The following RPRD2 variants were observed in gnomAD, a reference collection of about 807,000 sequenced individuals.
RPRD2 encodes regulation of nuclear pre-mRNA domain-containing protein 2.
A neutral mutation model predicts 104.4 loss-of-function variants in RPRD2; 12 were observed. That is an observed-to-expected ratio of 0.11 (90% CI 0.07 to 0.19). RPRD2 has a LOEUF of 0.19. RPRD2 is among the 10% of genes least tolerant of loss of function. The pLI, the probability that RPRD2 is intolerant of heterozygous loss-of-function variation, is 1.00. For missense variants in RPRD2, 1,543 were observed against 1,790.1 expected (o/e 0.86, Z 2.49); for synonymous variants, 714 against 684.9 (o/e 1.04, Z -0.66).
In RPRD2 at chr1:150,446,827, C is replaced by T. The variant is rs1401114747; in HGVS notation, c.870+426C>T. 1.1e-4 allele frequency among the ~76,000 whole-genome samples: 14 copies of T among 132,608 alleles called. No individual in the cohort carries two copies. The Admixed American group carries it at 1.1e-3, about 10-fold the overall frequency. 87.0% of individuals were successfully genotyped at this position (132,608 alleles called of 152,430 possible). A position where few individuals can be genotyped will look rare whatever the true frequency, so the allele number is the denominator to read the frequency against. ...CAGCTAGTAAGTGGTAGAATAAGAC[C>T]TGGGTCTTTTTTTTTTTTTTTTTGG... On this transcript the variant is annotated intron_variant, in intron 7 of 10. Coordinates refer to ENST00000369068, the MANE Select transcript of RPRD2 (RefSeq NM_015203.5).
intron 1 of RPRD2, among the ~76,000 whole-genome samples, chr1:150,387,624 T>TCTTGTCA (rs1286192966): frequency 8.1e-6 from 1 of 123,892 alleles, no homozygotes; most frequent in Non-Finnish European, 1.6e-5. Context: ...GGAGTTTCAC[T>TCTTGTCA]CTTGTCACCC....
chr1:150,424,722 T>TAATA (rs1421136749), intron 2 of RPRD2, among the ~76,000 whole-genome samples: 20 of 152,206 alleles, frequency 1.3e-4, no homozygotes, highest in Admixed American at 2.0e-4. Flanking sequence ...AGTCCTCTAT[T>TAATA]ATTTCTGTTC....
intron 1 of RPRD2, among the ~76,000 whole-genome samples, chr1:150,414,373 A>C (rs918876099): frequency 3.9e-5 from 6 of 152,250 alleles, no homozygotes; most frequent in South Asian, 2.1e-4. Flanking sequence ...TAAGTAATGT[A>C]AAAGACTCCA....
chr1:150,388,968 C>T (rs1572376824), intron 1 of RPRD2, among the ~76,000 whole-genome samples: 1 of 152,012 alleles, frequency 6.6e-6, no homozygotes, highest in Non-Finnish European at 1.5e-5. Context: ...CTGTTGTTTT[C>T]TCCATAACTC....
At chr1:150,411,896 TG>T (rs1553887752) in intron 1 of RPRD2, among the ~76,000 whole-genome samples, 2 of 136,832 alleles carry the variant, frequency 1.5e-5, no homozygotes, top group African/African-American at 2.9e-5. Flanking sequence ...GAGGCTAAGG[TG>T]GGTGGATTGC....
intron 1 of RPRD2, among the ~76,000 whole-genome samples, chr1:150,373,668 G>T (rs1367130062): frequency 9.3e-5 from 13 of 140,318 alleles, no homozygotes. Context: ...GTTAGGTTTG[G>T]GATGTCTATT....
At chr1:150,421,935 C>G (rs587730440) in intron 2 of RPRD2, among the ~76,000 whole-genome samples, 1 of 152,056 alleles carries the variant, frequency 6.6e-6, no homozygotes, top group South Asian at 2.1e-4. Context: ...TATAATCATA[C>G]CATGGCACTC....
chr1:150,421,176 A>G (rs892332787), intron 2 of RPRD2, among the ~76,000 whole-genome samples: 10 of 152,250 alleles, frequency 6.6e-5, no homozygotes, highest in Non-Finnish European at 1.3e-4. Context: ...CTAAATAGCC[A>G]GATTCAAGTT....
chr1:150,405,682 C>G (rs1663415810), intron 1 of RPRD2, among the ~76,000 whole-genome samples: 1 of 152,092 alleles, frequency 6.6e-6, no homozygotes, highest in African/African-American at 2.4e-5. Flanking sequence ...GTTTCACTTT[C>G]CTGGTTAACC....
Position 150,431,109 on chromosome 1 carries a change from A to C in RPRD2, c.336-9814A>C, listed in dbSNP as rs587653814. ...TCCAGAGTTTACATCTACTAGGGTA[A>C]CTATAATTCAAAACAAACAAACAAC... On this transcript the variant is annotated intron_variant, in intron 2 of 10. Coordinates refer to ENST00000369068, the MANE Select transcript of RPRD2 (RefSeq NM_015203.5). Among the ~76,000 whole-genome samples the C allele has an allele frequency of 2.0e-5, 3 of 152,318 alleles. No individual in the cohort carries two copies. In the South Asian group the frequency reaches 6.2e-4, roughly 32 times the overall value.
At position 150,472,223 on chromosome 1, in the gene RPRD2, G is replaced by A. The variant is rs1668634942; in HGVS notation, c.3275G>A (p.Ser1092Asn). ...GAPIETLGYH[S>N]ASNRRMSGEP... ...CCTATAGAAACCTTGGGTTATCACA[G>A]TGCATCCAATAGGAGGATGTCAGGG... Residue 1092 changes from serine to asparagine, a missense_variant, in exon 11 of 11, where the codon AGT becomes AAT. Ser to Asn is a conservative substitution (Grantham distance 46). Coordinates refer to ENST00000369068, the MANE Select transcript of RPRD2 (RefSeq NM_015203.5). 1 of 1,613,940 alleles carries A rather than the reference G, an allele frequency of 6.2e-7. No homozygotes were observed. The highest frequency in any genetic ancestry group is 8.5e-7 in the Non-Finnish European group (1 of 1,179,872).
At chr1:150,470,116 G>A (rs1474286255) in intron 10 of RPRD2, among the ~76,000 whole-genome samples, 2 of 151,922 alleles carry the variant, frequency 1.3e-5, no homozygotes, top group African/African-American at 4.8e-5. Context: ...TTGAAGGTTG[G>A]TTTGAAGGTT....
At chr1:150,383,504 A>G (rs996328080) in intron 1 of RPRD2, among the ~76,000 whole-genome samples, 7 of 151,736 alleles carry the variant, frequency 4.6e-5, no homozygotes, top group African/African-American at 1.7e-4. Context: ...TTTAGTACAG[A>G]CGGGGTTTTG....
At position 150,473,581 on chromosome 1, in the gene RPRD2, T is replaced by TAAAAA. The variant is rs1668747920; in HGVS notation, c.*250_*251insAAAAA. The TAAAAA allele has an allele frequency of 3.2e-5, 5 of 156,988 alleles. No homozygotes were observed. Among genetic ancestry groups the TAAAAA allele is most frequent in the African/African-American group, 8.1e-5 (2 of 24,630 alleles). The allele number at this position is 156,988 out of a possible 1,614,324, so 9.7% of individuals were successfully genotyped here. ...TAAAAAAAAAAAAAAAAAAAAAAAG[T>TAAAAA]AAAGAAACACAACCAAAGCCATTTC... On this transcript the variant is annotated 3_prime_UTR_variant, in exon 11 of 11. Coordinates refer to ENST00000369068, the MANE Select transcript of RPRD2 (RefSeq NM_015203.5).
intron 1 of RPRD2, among the ~76,000 whole-genome samples, chr1:150,374,779 A>AT (rs1302274316): frequency 6.6e-6 from 1 of 152,146 alleles, no homozygotes; most frequent in Non-Finnish European, 1.5e-5. Flanking sequence ...GCATTCTAGT[A>AT]TTTTAGATGA....
At chr1:150,377,435 A>G (rs967500867) in intron 1 of RPRD2, among the ~76,000 whole-genome samples, 1 of 151,508 alleles carries the variant, frequency 6.6e-6, no homozygotes, top group African/African-American at 2.4e-5. Context: ...CGTCTCTACT[A>G]AAAATACAAA....
At chr1:150,465,848 C>T (rs900507911) in intron 10 of RPRD2, among the ~76,000 whole-genome samples, 2 of 147,426 alleles carry the variant, frequency 1.4e-5, no homozygotes, top group Admixed American at 6.8e-5. Flanking sequence ...CACCTAAGGT[C>T]AGCAGTTCAA....
Position 150,471,377 on chromosome 1 carries a change from C to T in RPRD2, c.2429C>T (p.Pro810Leu). 6.2e-7 allele frequency: 1 copy of T among 1,613,674 alleles called. No homozygotes were observed. The change falls in exon 11 of 11, where the codon CCA (proline) becomes CTA (leucine). Residue 810 changes from proline to leucine, a missense_variant. By Grantham distance (98) the Pro-to-Leu change is moderately conservative (BLOSUM62 -3). Transcript: ENST00000369068. This position sits in a 1 kb window ranked among gnomAD's most constrained non-coding sequence, Gnocchi z 5.3. ...CAGCCTTCTGATGGAATGGAGAGAC[C>T]ATCTTCCCTGATGGACTCTTCACAG... Reference protein sequence around the residue: ...YKQPSDGMERPSSLMDSSQEK... With the variant: ...YKQPSDGMERLSSLMDSSQEK...
chr1:150,464,856 A>T (rs374280886), intron 10 of RPRD2, 129 bp downstream of exon 10: 6 of 390,342 alleles, frequency 1.5e-5, no homozygotes, highest in African/African-American at 1.1e-4. Flanking sequence ...TATTCTTTTT[A>T]TTTATTTATT....
Sources: allele counts gnomAD v4.1 joint callset (sites outside exome capture counted in the v4.1 genomes callset), GRCh38; gene constraint gnomAD v4.1.1; non-coding constraint Gnocchi (gnomAD v3.1); transcripts MANE v1.5; gene names NCBI Gene and HGNC (gene_info 2026-07-23, HGNC 2026-07-21).